Variants in DAPK1 observed in about 807,000 individuals in gnomAD.
DAPK1 encodes death-associated protein kinase 1.
In DAPK1, 56 loss-of-function variants were observed where a neutral mutation model predicts 144.9. The observed-to-expected ratio is 0.39, with a 90% CI of 0.31 to 0.48. The LOEUF (loss-of-function observed/expected upper bound fraction) is 0.48. Among genes scored for constraint, DAPK1 ranks in the 20% least tolerant of loss-of-function variants. DAPK1 has a pLI of 0.95. For synonymous variants in DAPK1, 690 were observed against 749.0 expected, an observed-to-expected ratio of 0.92 and a Z score of 1.29; for missense variants, 1,454 against 1,875.4, an observed-to-expected ratio of 0.78 and a Z score of 4.15.
Position 87,579,036 on chromosome 9 carries a change from C to T in DAPK1, c.63-25918C>T, listed in dbSNP as rs36204434. Among the ~76,000 whole-genome samples, 480 of 152,290 alleles carry T rather than the reference C, an allele frequency of 3.2e-3. 4 individuals carry two copies. The highest frequency in any genetic ancestry group is 0.011 in the African/African-American group (460 of 41,556). The stretch of plus-strand genomic sequence containing the variant: ...CCCTCATAAAGGCCCTTAATAAATG[C>T]TCTGGGATATTGCAGCAAAAGGCAC... On this transcript the variant is annotated intron_variant, in intron 2 of 25. Transcript: ENST00000408954.
intron 3 of DAPK1, chr9:87,633,017 T>G (rs1207581314): frequency 1.0e-6 from 1 of 977,616 alleles, no homozygotes; most frequent in East Asian, 1.2e-4. Flanking sequence ...ATGAGAAGGA[T>G]GAGTATATAT....
At chr9:87,548,033 G>C (rs954304226) in intron 2 of DAPK1, among the ~76,000 whole-genome samples, 7 of 152,194 alleles carry the variant, frequency 4.6e-5, no homozygotes, top group Non-Finnish European at 1.0e-4. Flanking sequence ...GGCATGTACA[G>C]GGCCGGGCAT....
In DAPK1 at chr9:87,499,309, A is replaced by G. The variant is rs1824310437; in HGVS notation, c.62+170A>G. The stretch of plus-strand genomic sequence containing the variant: ...AACCCAGCGGTAAACCGCCTGATCC[A>G]AGGGCCTGGGGGTGGAGGAGAGGCA... On this transcript the variant is annotated intron_variant, in intron 2 of 25. Transcript: ENST00000408954. 5 of 640,238 alleles carry G rather than the reference A, an allele frequency of 7.8e-6. No individual in the cohort carries two copies. The South Asian group carries it at 9.3e-5, about 12-fold the overall frequency. The allele number at this position is 640,238 out of a possible 1,614,324, so 39.7% of individuals were successfully genotyped here.
chr9:87,554,602 A>G (rs2118594165), intron 2 of DAPK1: 1 of 152,288 alleles, frequency 6.6e-6, no homozygotes, highest in Non-Finnish European at 1.5e-5. Context: ...GGCCCTCTCC[A>G]CAGTAGGACT....
intron 2 of DAPK1, among the ~76,000 whole-genome samples, chr9:87,520,872 T>G (rs1825273258): frequency 6.6e-6 from 1 of 152,222 alleles, no homozygotes; most frequent in Admixed American, 6.5e-5. Context: ...TAATACAATT[T>G]ACAACTAATA....
At position 87,708,517 on chromosome 9, in the gene DAPK1, A is replaced by T. The variant is rs1825715554; in HGVS notation, c.*1153A>T. The stretch of plus-strand genomic sequence containing the variant: ...TGTTATATCATATGTATATATATAT[A>T]TGCACTATGTATATACATATATATT... On this transcript the variant is annotated 3_prime_UTR_variant, in exon 26 of 26. Coordinates refer to ENST00000408954, the MANE Select transcript of DAPK1 (RefSeq NM_004938.4). 2.0e-5 allele frequency: 3 copies of T among 152,590 alleles called. No individual in the cohort carries two copies. In the South Asian group the frequency reaches 6.2e-4, roughly 32 times the overall value. 9.5% of individuals were successfully genotyped at this position (152,590 alleles called of 1,614,324 possible).
intron 2 of DAPK1, among the ~76,000 whole-genome samples, chr9:87,565,902 C>T (rs1315808876): frequency 6.6e-6 from 1 of 152,062 alleles, no homozygotes; most frequent in Non-Finnish European, 1.5e-5. Context: ...GGCATTATTC[C>T]CTTTATTTTG....
intron 19 of DAPK1, 143 bp downstream of exon 19, chr9:87,668,817 C>A: frequency 4.5e-6 from 3 of 671,632 alleles, no homozygotes; most frequent in Non-Finnish European, 8.0e-6. Context: ...CTGTGGTTTA[C>A]ATGTCAGTCG....
intron 2 of DAPK1, among the ~76,000 whole-genome samples, chr9:87,577,276 T>G (rs1827597095): frequency 6.6e-6 from 1 of 152,100 alleles, no homozygotes; most frequent in South Asian, 2.1e-4. Flanking sequence ...ATAACGGAAT[T>G]GGAAACTCGG....
intron 12 of DAPK1, 80 bp from the exon 13 acceptor site, chr9:87,646,381 G>A (rs929624738): frequency 4.9e-6 from 5 of 1,010,514 alleles, no homozygotes; most frequent in South Asian, 4.0e-5. Context: ...GGGAAGGTGT[G>A]TGGTAACAGC....
intron 2 of DAPK1, among the ~76,000 whole-genome samples, chr9:87,571,473 A>ACACACAC (rs377253457): frequency 5.2e-5 from 3 of 57,620 alleles, no homozygotes; most frequent in African/African-American, 7.7e-5. Flanking sequence ...ACACACACAC[A>ACACACAC]CCAACACACA....
intron 21 of DAPK1, among the ~76,000 whole-genome samples, chr9:87,694,368 C>T (rs1825183053): frequency 6.6e-6 from 1 of 152,132 alleles, no homozygotes; most frequent in Admixed American, 6.5e-5. Flanking sequence ...TCCCCAGGTC[C>T]CCAGACAGCA....
chr9:87,618,989 G>A (rs2119030380), intron 3 of DAPK1, among the ~76,000 whole-genome samples: 1 of 152,262 alleles, frequency 6.6e-6, no homozygotes, highest in East Asian at 1.9e-4. Flanking sequence ...GTAGAGTGGT[G>A]CAGAGCCTTT....
Position 87,651,676 on chromosome 9 carries a change from C to G in DAPK1, c.1776C>G (p.Ile592Met), listed in dbSNP as rs373276227. The G allele has an allele frequency of 1.2e-6, 2 of 1,614,066 alleles. No homozygotes were observed. Among genetic ancestry groups the G allele is most frequent in the African/African-American group, 2.7e-5 (2 of 74,918 alleles). ...HVACKDGNMP[I>M]VVALCEANCN... Reference sequence around the variant, plus strand: ...CATGTAAAGATGGCAACATGCCTATCGTGGTGGCCCTCTGTGAAGCAAACT... The same window carrying G: ...CATGTAAAGATGGCAACATGCCTATGGTGGTGGCCCTCTGTGAAGCAAACT... Residue 592 changes from isoleucine (I) to methionine (M), a missense_variant, in exon 17 of 26, where the codon ATC (isoleucine) becomes ATG (methionine). Ile to Met is a conservative substitution (Grantham distance 10, BLOSUM62 1). Transcript: ENST00000408954.
chr9:87,675,033 C>T (rs978069425), intron 19 of DAPK1, among the ~76,000 whole-genome samples: 7 of 152,042 alleles, frequency 4.6e-5, no homozygotes, highest in South Asian at 2.1e-4. Context: ...GCCAAGAAAC[C>T]GATAAGAAAA....
At chr9:87,590,369 CAAAA>C (rs200588801) in intron 2 of DAPK1, among the ~76,000 whole-genome samples, 2 of 85,738 alleles carry the variant, frequency 2.3e-5, no homozygotes, top group Non-Finnish European at 2.6e-5. Context: ...TCATTGGCCT[CAAAA>C]AAAAAAAAAA....
At chr9:87,654,277 A>G (rs963251269) in intron 17 of DAPK1, among the ~76,000 whole-genome samples, 2 of 152,218 alleles carry the variant, frequency 1.3e-5, no homozygotes, top group East Asian at 3.9e-4. Flanking sequence ...TATTAAAGAC[A>G]AGCATTATGC....
At chr9:87,677,756 C>T (rs949047606) in intron 19 of DAPK1, among the ~76,000 whole-genome samples, 1 of 152,148 alleles carries the variant, frequency 6.6e-6, no homozygotes, top group Admixed American at 6.5e-5. Context: ...GCACAGTGGA[C>T]GCAGCTCAGG....
At position 87,497,906 on chromosome 9, in the gene DAPK1, C is replaced by G. The variant is rs960694071; in HGVS notation, c.-310C>G. 4 of 395,184 alleles carry G rather than the reference C, an allele frequency of 1.0e-5. No individual in the cohort carries two copies. Among genetic ancestry groups the G allele is most frequent in the Non-Finnish European group, 1.8e-5 (4 of 224,420 alleles). 24.5% of individuals were successfully genotyped at this position (395,184 alleles called of 1,614,324 possible). A position where few individuals can be genotyped will look rare whatever the true frequency, so the allele number is the denominator to read the frequency against. ...GGAGGACAGCCGGACCGAGCCAACG[C>G]CGGGGACTTTGTTCCCTCCGCGGAG... On this transcript the variant is annotated 5_prime_UTR_variant, in exon 1 of 26. Coordinates refer to ENST00000408954, the MANE Select transcript of DAPK1 (RefSeq NM_004938.4).
Sources: gnomAD v4.1 joint callset for allele counts (sites outside exome capture counted in the v4.1 genomes callset) on GRCh38, gnomAD v4.1.1 for gene constraint, MANE v1.5 for transcripts, NCBI Gene and HGNC (gene_info 2026-07-23, HGNC 2026-07-21) for gene names.